The following CNOT6 variants were observed in gnomAD, a reference collection of about 807,000 sequenced individuals.
CNOT6 encodes carbon catabolite repression 4 protein.
In CNOT6, 12 loss-of-function variants were observed where a neutral mutation model predicts 61.2. The ratio of observed to expected loss-of-function variants is 0.20; its 90% CI spans 0.13 to 0.32. The LOEUF (loss-of-function observed/expected upper bound fraction) is 0.32, where lower values mean the gene tolerates loss of function less well. CNOT6 is among the 10% of genes least tolerant of loss of function. The pLI is 1.00. For missense variants in CNOT6, 405 were observed against 663.9 expected (o/e 0.61, Z 4.28); for synonymous variants, 225 against 240.6 (o/e 0.94, Z 0.60).
At chr5:180,539,019 CA>C (rs70973932) in intron 2 of CNOT6, among the ~76,000 whole-genome samples, 70,508 of 150,840 alleles carry the variant, frequency 0.47, 17,488 homozygotes, top group Non-Finnish European at 0.56. Flanking sequence ...ACTAAAAATA[CA>C]AAAAATGAGC....
intron 1 of CNOT6, among the ~76,000 whole-genome samples, chr5:180,524,066 T>G (rs1757982961): frequency 6.6e-6 from 1 of 152,172 alleles, no homozygotes; most frequent in Non-Finnish European, 1.5e-5. Flanking sequence ...GATTTTTGTT[T>G]GATTGTGCCA....
At chr5:180,504,189 C>G (rs1757023018) in intron 1 of CNOT6, among the ~76,000 whole-genome samples, 2 of 152,170 alleles carry the variant, frequency 1.3e-5, no homozygotes, top group African/African-American at 2.4e-5. Flanking sequence ...AAAAGGCAGT[C>G]TGTTATACAT....
intron 1 of CNOT6, among the ~76,000 whole-genome samples, chr5:180,495,208 C>T (rs1756551243): frequency 6.6e-6 from 1 of 152,226 alleles, no homozygotes; most frequent in African/African-American, 2.4e-5. Context: ...AGCGGGAAAC[C>T]AACTGCTTAC....
At chr5:180,545,132 A>G (rs529266158) in intron 2 of CNOT6, among the ~76,000 whole-genome samples, 19 of 152,154 alleles carry the variant, frequency 1.2e-4, no homozygotes, top group Non-Finnish European at 2.1e-4. Flanking sequence ...ACCTTCTTAG[A>G]TTAAGATAGA....
chr5:180,508,777 C>A (rs1431907270), intron 1 of CNOT6, among the ~76,000 whole-genome samples: 1 of 151,866 alleles, frequency 6.6e-6, no homozygotes, highest in Non-Finnish European at 1.5e-5. Flanking sequence ...TGTGTGCCAA[C>A]ATGCCCAGCT....
At chr5:180,549,280 G>T (rs1759466836) in intron 2 of CNOT6, among the ~76,000 whole-genome samples, 1 of 152,144 alleles carries the variant, frequency 6.6e-6, no homozygotes, top group Non-Finnish European at 1.5e-5. Flanking sequence ...GTCCAAACCA[G>T]TCATGACGTT....
At position 180,565,902 on chromosome 5, in the gene CNOT6, G is replaced by C. The variant is rs766740241; in HGVS notation, c.642G>C (p.Ala214=). Residue 214 remains alanine (A), a synonymous_variant, in exon 7 of 12, where the codon GCG becomes GCC. Transcript: ENST00000261951. Reference sequence around the variant, plus strand: ...TATACGGCTACTGTCCATCATGGGCGCTAAACTGGGACTACAGGAAAAAGG... The same window carrying C: ...TATACGGCTACTGTCCATCATGGGCCCTAAACTGGGACTACAGGAAAAAGG... ...RQLYGYCPSW[A]LNWDYRKKAI... 6.2e-7 allele frequency: 1 copy of C among 1,613,868 alleles called. No homozygotes were observed. Among genetic ancestry groups the C allele is most frequent in the Admixed American group, 1.7e-5 (1 of 60,010 alleles).
chr5:180,520,299 A>C (rs1757825024), intron 1 of CNOT6, among the ~76,000 whole-genome samples: 1 of 152,210 alleles, frequency 6.6e-6, no homozygotes, highest in Non-Finnish European at 1.5e-5. Context: ...GGAATGACTA[A>C]CTGGGGAATA....
chr5:180,514,503 G>A (rs776397455), intron 1 of CNOT6, among the ~76,000 whole-genome samples: 1 of 152,196 alleles, frequency 6.6e-6, no homozygotes, highest in Non-Finnish European at 1.5e-5. Context: ...AATAATCTAA[G>A]TGGTATTTAG....
chr5:180,542,525 A>G (rs1759100433), intron 2 of CNOT6, among the ~76,000 whole-genome samples: 2 of 152,182 alleles, frequency 1.3e-5, no homozygotes, highest in Admixed American at 6.5e-5. Flanking sequence ...TTGGCCTACC[A>G]CAGTGCTGGG....
rs1387593441 is a variant in CNOT6 at position 180,494,610 on chromosome 5, C to T, written c.-156C>T. ...GAAGCAGTGGCTCTCGGAGGGGGAACAAAGAGCAGCGACTAAGGCGGCAGA... is the reference window on the plus strand; with the variant it reads ...GAAGCAGTGGCTCTCGGAGGGGGAATAAAGAGCAGCGACTAAGGCGGCAGA... On this transcript the variant is annotated 5_prime_UTR_variant, in exon 1 of 12. Coordinates refer to ENST00000261951, the MANE Select transcript of CNOT6 (RefSeq NM_001370472.1). 1 of 156,432 alleles carries T rather than the reference C, an allele frequency of 6.4e-6. No individual in the cohort carries two copies. The highest frequency in any genetic ancestry group is 1.4e-5 in the Non-Finnish European group (1 of 72,008). The allele number at this position is 156,432 out of a possible 1,614,324, so 9.7% of individuals were successfully genotyped here. A position where few individuals can be genotyped will look rare whatever the true frequency, so the allele number is the denominator to read the frequency against.
At chr5:180,555,692 G>C (rs1159326593) in intron 4 of CNOT6, among the ~76,000 whole-genome samples, 2 of 152,152 alleles carry the variant, frequency 1.3e-5, no homozygotes, top group Non-Finnish European at 2.9e-5. Context: ...TAAAGCAATT[G>C]TATCATCTTT....
chr5:180,530,021 C>G (rs556078430), intron 2 of CNOT6, among the ~76,000 whole-genome samples: 15 of 152,204 alleles, frequency 9.9e-5, no homozygotes, highest in Non-Finnish European at 2.1e-4. Context: ...GGCACACAGT[C>G]TCTTTTTAAA....
chr5:180,496,174 A>G (rs147090670), intron 1 of CNOT6, among the ~76,000 whole-genome samples: 2 of 152,212 alleles, frequency 1.3e-5, no homozygotes, highest in South Asian at 2.1e-4. Flanking sequence ...AAGTGCTGCA[A>G]TTACAGGCAT....
At chr5:180,545,355 C>T (rs897094032) in intron 2 of CNOT6, among the ~76,000 whole-genome samples, 5 of 152,188 alleles carry the variant, frequency 3.3e-5, no homozygotes, top group Admixed American at 1.3e-4. Flanking sequence ...CGCTGTTCTG[C>T]TTTCTATAAC....
At chr5:180,557,223 T>C (rs1759943166) in intron 4 of CNOT6, among the ~76,000 whole-genome samples, 2 of 152,224 alleles carry the variant, frequency 1.3e-5, no homozygotes, top group South Asian at 4.1e-4. Flanking sequence ...TGCAGGTTAT[T>C]GTGTGAATAT....
chr5:180,572,821 G>T (rs1452051981), intron 11 of CNOT6, among the ~76,000 whole-genome samples: 2 of 152,114 alleles, frequency 1.3e-5, no homozygotes, highest in Non-Finnish European at 1.5e-5. Flanking sequence ...CTCCCAAAGT[G>T]CTGGGATTAT....
intron 2 of CNOT6, among the ~76,000 whole-genome samples, chr5:180,539,729 A>G (rs1003893051): frequency 7.3e-5 from 11 of 151,330 alleles, no homozygotes; most frequent in African/African-American, 2.7e-4. Context: ...AGCTGGGACT[A>G]CAGGCACCCG....
intron 6 of CNOT6, among the ~76,000 whole-genome samples, chr5:180,565,096 GC>G (rs1475651068): frequency 6.6e-6 from 1 of 152,204 alleles, no homozygotes; most frequent in African/African-American, 2.4e-5. Flanking sequence ...CACGGCACAG[GC>G]CCCCACAACA....
Sources: gnomAD v4.1 joint callset for allele counts (sites outside exome capture counted in the v4.1 genomes callset) on GRCh38, gnomAD v4.1.1 for gene constraint, MANE v1.5 for transcripts, NCBI Gene and HGNC (gene_info 2026-07-23, HGNC 2026-07-21) for gene names.